Variants in RAPGEF1 observed in about 807,000 individuals in gnomAD.
RAPGEF1 encodes CRK SH3-binding GNRP.
A neutral mutation model predicts 143.3 loss-of-function variants in RAPGEF1; 33 were observed. The observed-to-expected ratio is 0.23, with a 90% CI of 0.17 to 0.31. The LOEUF (loss-of-function observed/expected upper bound fraction) is 0.31, where lower values mean the gene tolerates loss of function less well. Ranked by LOEUF, RAPGEF1 falls within the 10% of genes least tolerant of loss-of-function variation. The pLI, the probability that RAPGEF1 is intolerant of heterozygous loss-of-function variation, is 1.00. For missense variants in RAPGEF1, 1,199 were observed against 1,645.4 expected, an observed-to-expected ratio of 0.73 and a Z score of 4.69; for synonymous variants, 629 against 676.5, an observed-to-expected ratio of 0.93 and a Z score of 1.09.
chr9:131,630,427 T>A, intron 5 of RAPGEF1, 103 bp from the exon 6 acceptor site: 1 of 1,129,374 alleles, frequency 8.9e-7, no homozygotes, highest in Non-Finnish European at 1.3e-6. Context: ...GAGTCTCATT[T>A]CTGTGCCTAC....
Position 131,638,677 on chromosome 9 carries a change from C to T in RAPGEF1, c.609G>A (p.Thr203=), listed in dbSNP as rs1021240823. ...CAGCCTTGATGACCCCCTTCACAGT[C>T]GTCACCATCTCCTTGTCTTCTGAGT... The part of the protein sequence containing the change: ...GVNSEDKEMV[T]TVKGVIKAVL... Residue 203 remains threonine, a synonymous_variant, in exon 5 of 27, where the codon ACG becomes ACA. Coordinates refer to ENST00000683357, the MANE Select transcript of RAPGEF1 (RefSeq NM_001377935.1). 5.0e-6 allele frequency: 8 copies of T among 1,613,914 alleles called. No individual in the cohort carries two copies. The highest frequency in any genetic ancestry group is 2.7e-5 in the African/African-American group (2 of 74,928).
chr9:131,626,398 A>C lies in RAPGEF1; in HGVS notation c.1226T>G (p.Phe409Cys). The change falls in exon 10 of 27, where the codon TTC becomes TGC. Residue 409 changes from phenylalanine to cysteine, a missense_variant. Physicochemically the swap from Phe to Cys is radical, Grantham distance 205. Around this residue, in one of 6 missense-constraint regions of RAPGEF1, gnomAD observed 613 missense variants for 710.9 expected, o/e 0.86. Transcript: ENST00000683357. ...TLDHYDPDYE[F>C]LQQDLSNADQ... is the part of the protein sequence containing the mutation. ...TGCGTTAGAGAGGTCTTGCTGGAGG[A>C]ATTCATAGTCGGGATCATAGTGGTC... 1 of 1,602,862 alleles carries C rather than the reference A, an allele frequency of 6.2e-7. No homozygotes were observed. Among genetic ancestry groups the C allele is most frequent in the Non-Finnish European group, 8.5e-7 (1 of 1,172,098 alleles).
rs190474179 is a variant in RAPGEF1, at chr9:131,608,341, C to T, written c.2062-3153G>A. Among the ~76,000 whole-genome samples, 162 of 152,286 alleles carry T rather than the reference C, an allele frequency of 1.1e-3. 1 individual carries two copies. Among genetic ancestry groups the T allele is most frequent in the African/African-American group, 3.7e-3 (152 of 41,548 alleles). On this transcript the variant is annotated intron_variant, in intron 12 of 26. Coordinates refer to ENST00000683357, the MANE Select transcript of RAPGEF1 (RefSeq NM_001377935.1). ...GGGGCCTAATACATATTTGCTGATA[C>T]GTATTTTAGTAGGCACCTAATACAT...
chr9:131,618,939 G>T, intron 12 of RAPGEF1, 112 bp downstream of exon 12: 2 of 958,638 alleles, frequency 2.1e-6, no homozygotes, highest in Non-Finnish European at 1.4e-6. Flanking sequence ...GTAGGGACCC[G>T]CAGAAGGGCA....
At chr9:131,715,906 G>C (rs568288417) in intron 1 of RAPGEF1, among the ~76,000 whole-genome samples, 1 of 148,716 alleles carries the variant, frequency 6.7e-6, no homozygotes, top group Non-Finnish European at 1.5e-5. Context: ...TACTGATCTA[G>C]CCCAACTCAT....
In RAPGEF1 at chr9:131,626,266, C is replaced by T. The variant is rs200121349; in HGVS notation, c.1358G>A (p.Gly453Asp). 31 of 1,613,930 alleles carry T rather than the reference C, an allele frequency of 1.9e-5. No individual in the cohort carries two copies. The East Asian group carries it at 6.9e-4, about 36-fold the overall frequency. Residue 453 changes from glycine to aspartate, a missense_variant, in exon 10 of 27, where the codon GGC becomes GAC. Coordinates refer to ENST00000683357, the MANE Select transcript of RAPGEF1 (RefSeq NM_001377935.1). ...LGPPFQLPLG[G>D]HPQPDGPLAP... ...CAGAGGTCCGTCTGGCTGGGGATGGCCGCCAAGAGGCAGCTGGAAAGGAGG... is the reference window on the plus strand; with the variant it reads ...CAGAGGTCCGTCTGGCTGGGGATGGTCGCCAAGAGGCAGCTGGAAAGGAGG...
chr9:131,633,722 C>A (rs1588628127), intron 5 of RAPGEF1, among the ~76,000 whole-genome samples: 1 of 152,140 alleles, frequency 6.6e-6, no homozygotes. Context: ...ATAAAAGGGG[C>A]GGGCTGCTTT....
chr9:131,619,594 G>C (rs1477722265), intron 11 of RAPGEF1, among the ~76,000 whole-genome samples: 1 of 152,198 alleles, frequency 6.6e-6, no homozygotes, highest in Non-Finnish European at 1.5e-5. Flanking sequence ...GCCTGGGTTT[G>C]AGTCTGGACC....
chr9:131,661,254 C>T (rs769197045), intron 1 of RAPGEF1, among the ~76,000 whole-genome samples: 4 of 152,234 alleles, frequency 2.6e-5, no homozygotes, highest in Non-Finnish European at 5.9e-5. Context: ...GTGGCACCGT[C>T]GCACAGTGGA....
chr9:131,643,212 A>G, intron 4 of RAPGEF1, 27 bp downstream of exon 4: 1 of 1,588,096 alleles, frequency 6.3e-7, no homozygotes, highest in Non-Finnish European at 8.6e-7. Flanking sequence ...TTGTTCTGAC[A>G]CAGCCAAAGA....
At chr9:131,687,253 C>A (rs1056886836) in intron 1 of RAPGEF1, among the ~76,000 whole-genome samples, 2 of 152,194 alleles carry the variant, frequency 1.3e-5, no homozygotes, top group African/African-American at 4.8e-5. Context: ...TGCAGCGGCA[C>A]GATCTCAGCT....
chr9:131,657,721 G>A (rs1972862665), intron 1 of RAPGEF1, among the ~76,000 whole-genome samples: 1 of 152,212 alleles, frequency 6.6e-6, no homozygotes, highest in South Asian at 2.1e-4. Context: ...ACACTGGATG[G>A]TGCAGCTCGA....
intron 16 of RAPGEF1, 34 bp downstream of exon 16, chr9:131,598,165 C>CAA: frequency 6.4e-7 from 1 of 1,573,994 alleles, no homozygotes; most frequent in Non-Finnish European, 8.7e-7. Flanking sequence ...TCTGTGGGGC[C>CAA]AGGCTGCAAA....
At chr9:131,664,556 C>T (rs56257926) in intron 1 of RAPGEF1, among the ~76,000 whole-genome samples, 33,135 of 152,026 alleles carry the variant, frequency 0.22, 4,138 homozygotes, top group Non-Finnish European at 0.29. Flanking sequence ...CTCCCTTCCA[C>T]AACAGTGAGA....
chr9:131,583,811 T>C lies in RAPGEF1; in HGVS notation c.3414+500A>G, dbSNP rs1425756841. Among the ~76,000 whole-genome samples, 1 of 152,110 alleles carries C rather than the reference T, an allele frequency of 6.6e-6. No homozygotes were observed. Among genetic ancestry groups the C allele is most frequent in the Non-Finnish European group, 1.5e-5 (1 of 68,028 alleles). On this transcript the variant is annotated intron_variant, in intron 24 of 26. Transcript: ENST00000683357. The surrounding 1 kb of genome is among the most constrained non-coding windows in gnomAD (Gnocchi z 4.7). The stretch of plus-strand genomic sequence containing the variant: ...TGTGCACTCCTTTGTCCCCTTTGAT[T>C]CTCTTCCCTTCCCAGGAAACTCCTC...
At position 131,662,456 on chromosome 9, in the gene RAPGEF1, C is replaced by T. The variant is rs966533612; in HGVS notation, c.62-11507G>A. Among the ~76,000 whole-genome samples, 5 of 152,300 alleles carry T rather than the reference C, an allele frequency of 3.3e-5. No homozygotes were observed. In the East Asian group the frequency reaches 9.6e-4, roughly 29 times the overall value. On this transcript the variant is annotated intron_variant, in intron 1 of 26. Transcript: ENST00000683357. ...AGTATAGTGGTGTGATCCCAGTTCA[C>T]TGTAGCTATGACCTCTGGGGCTCAC...
At position 131,596,361 on chromosome 9, in the gene RAPGEF1, G is replaced by A; in HGVS notation, c.2626C>T (p.Pro876Ser). The change falls in exon 17 of 27, where the codon CCG becomes TCG. Residue 876 changes from proline to serine, a missense_variant. By Grantham distance (74) the Pro-to-Ser change is moderately conservative. Around this residue, in one of 6 missense-constraint regions of RAPGEF1, gnomAD observed 209 missense variants for 403.0 expected, o/e 0.52. Coordinates refer to ENST00000683357, the MANE Select transcript of RAPGEF1 (RefSeq NM_001377935.1). ...TCCCCAGATCCTCCGCGGACGTCCG[G>A]CCCGTCATCACCCTGTAATGAACAC... Reference protein sequence around the residue: ...LTLKQEGDDGPDVRGGSGDIL... With the variant: ...LTLKQEGDDGSDVRGGSGDIL... The A allele has an allele frequency of 6.2e-7, 1 of 1,613,928 alleles. No homozygotes were observed. Among genetic ancestry groups the A allele is most frequent in the Non-Finnish European group, 8.5e-7 (1 of 1,179,860 alleles).
rs986808407 is a variant in RAPGEF1, at chr9:131,738,223, T to A, written c.61+1547A>T. On this transcript the variant is annotated intron_variant, in intron 1 of 26. Transcript: ENST00000683357. ...AAAGATATAAAACATAATATAATCT[T>A]ATATTAGATATAAAAAGATATAATA... Among the ~76,000 whole-genome samples, 12 of 144,188 alleles carry A rather than the reference T, an allele frequency of 8.3e-5. No homozygotes were observed. In the East Asian group the frequency reaches 2.4e-3, roughly 29 times the overall value. The allele number at this position is 144,188 out of a possible 152,430, so 94.6% of individuals were successfully genotyped here. A position where few individuals can be genotyped will look rare whatever the true frequency, so the allele number is the denominator to read the frequency against.
chr9:131,625,467 G>A (rs879389016), intron 10 of RAPGEF1, among the ~76,000 whole-genome samples: 1 of 152,166 alleles, frequency 6.6e-6, no homozygotes, highest in Non-Finnish European at 1.5e-5. Flanking sequence ...CATTCTGGGA[G>A]CATGAACAGA....
Sources: gnomAD v4.1 joint callset for allele counts (sites outside exome capture counted in the v4.1 genomes callset) on GRCh38, gnomAD v4.1.1 for gene constraint, gnomAD v4.1.1 regional missense constraint, Gnocchi (gnomAD v3.1) non-coding constraint, MANE v1.5 for transcripts, NCBI Gene and HGNC (gene_info 2026-07-23, HGNC 2026-07-21) for gene names.